ARID5B: variants seen among roughly 807,000 people sequenced by gnomAD.
The protein encoded by ARID5B is AT-rich interactive domain-containing protein 5B.
Under a neutral mutation model 97.2 loss-of-function variants are expected in ARID5B, and 13 were observed. That is an observed-to-expected ratio of 0.13 (90% CI 0.09 to 0.21). The LOEUF is 0.21. Ranked by LOEUF, ARID5B falls within the 10% of genes least tolerant of loss-of-function variation. The pLI, the probability that ARID5B is intolerant of heterozygous loss-of-function variation, is 1.00. For synonymous variants in ARID5B, 556 were observed against 570.3 expected, an observed-to-expected ratio of 0.97 and a Z score of 0.36; for missense variants, 1,210 against 1,465.3, an observed-to-expected ratio of 0.83 and a Z score of 2.84.
intron 2 of ARID5B, among the ~76,000 whole-genome samples, chr10:61,905,561 T>C (rs1296257357): frequency 6.6e-6 from 1 of 152,044 alleles, no homozygotes; most frequent in Non-Finnish European, 1.5e-5. Flanking sequence ...GGAAAGGTTA[T>C]GTGGTTTGTC....
intron 3 of ARID5B, among the ~76,000 whole-genome samples, chr10:61,998,730 A>C (rs1386193896): frequency 6.6e-6 from 1 of 152,168 alleles, no homozygotes; most frequent in Non-Finnish European, 1.5e-5. Context: ...TGGTTCTCTG[A>C]GGTGTGCCAA....
At chr10:62,038,248 T>C (rs1564633692) in intron 4 of ARID5B, among the ~76,000 whole-genome samples, 1 of 152,124 alleles carries the variant, frequency 6.6e-6, no homozygotes, top group African/African-American at 2.4e-5. Context: ...ACTATTAAAT[T>C]TGGAGTTCAG....
intron 2 of ARID5B, among the ~76,000 whole-genome samples, chr10:61,922,429 C>T (rs1236802199): frequency 1.3e-5 from 2 of 152,156 alleles, no homozygotes; most frequent in African/African-American, 2.4e-5. Context: ...ATGATGAAAC[C>T]CTGTCTGTAT....
In ARID5B at chr10:61,989,172, G is replaced by A. The variant is rs535206110; in HGVS notation, c.503-10919G>A. On this transcript the variant is annotated intron_variant, in intron 3 of 9. Coordinates refer to ENST00000279873, the MANE Select transcript of ARID5B (RefSeq NM_032199.3). Reference sequence around the variant, plus strand: ...TCTCGATCTCCTGATCTCAAGATCCGCCCACCTCAGCCTCCCAAAGTGCTG... The same window carrying A: ...TCTCGATCTCCTGATCTCAAGATCCACCCACCTCAGCCTCCCAAAGTGCTG... Among the ~76,000 whole-genome samples, 15 of 152,028 alleles carry A rather than the reference G, an allele frequency of 9.9e-5. 1 individual carries two copies. The highest frequency in any genetic ancestry group is 3.4e-3 in the Middle Eastern group (1 of 294).
At chr10:61,953,569 G>A (rs1030644995) in intron 3 of ARID5B, among the ~76,000 whole-genome samples, 5 of 152,042 alleles carry the variant, frequency 3.3e-5, no homozygotes, top group Non-Finnish European at 7.4e-5. Flanking sequence ...GCTTCTTTTT[G>A]ACCACTGTAC....
intron 2 of ARID5B, among the ~76,000 whole-genome samples, chr10:61,912,219 C>T (rs916432695): frequency 5.9e-5 from 9 of 152,132 alleles, no homozygotes; most frequent in African/African-American, 1.7e-4. Context: ...TTCACTAATA[C>T]TGTGTATTCT....
At chr10:61,935,361 G>T (rs1844281615) in intron 2 of ARID5B, among the ~76,000 whole-genome samples, 1 of 152,006 alleles carries the variant, frequency 6.6e-6, no homozygotes, top group Non-Finnish European at 1.5e-5. Flanking sequence ...AACATACCAT[G>T]GATACATAAG....
chr10:62,089,467 C>T (rs907845531), intron 9 of ARID5B, among the ~76,000 whole-genome samples: 19 of 151,722 alleles, frequency 1.3e-4, no homozygotes, highest in Non-Finnish European at 1.8e-4. Context: ...TCCTTCCTGC[C>T]TGCCTGCCTT....
At chr10:61,917,739 C>G (rs1843936026) in intron 2 of ARID5B, among the ~76,000 whole-genome samples, 1 of 152,146 alleles carries the variant, frequency 6.6e-6, no homozygotes, top group Non-Finnish European at 1.5e-5. Context: ...CCGTTGGTCC[C>G]AAAGGGGCTG....
intron 8 of ARID5B, among the ~76,000 whole-genome samples, chr10:62,075,817 A>G (rs1840124498): frequency 6.6e-6 from 1 of 152,148 alleles, no homozygotes; most frequent in Non-Finnish European, 1.5e-5. Flanking sequence ...ACAGCCTAAG[A>G]TTACATTTGG....
chr10:61,987,595 A>G (rs1445753368), intron 3 of ARID5B, among the ~76,000 whole-genome samples: 1 of 152,254 alleles, frequency 6.6e-6, no homozygotes, highest in Non-Finnish European at 1.5e-5. Context: ...TTTGTGCACC[A>G]TAAGGTCTCT....
At chr10:61,985,354 G>C (rs895916607) in intron 3 of ARID5B, among the ~76,000 whole-genome samples, 1 of 151,934 alleles carries the variant, frequency 6.6e-6, no homozygotes, top group Admixed American at 6.5e-5. Context: ...AAAGAGGGAT[G>C]GTGGCTTTTG....
At chr10:62,015,456 A>G (rs78591229) in intron 4 of ARID5B, among the ~76,000 whole-genome samples, 216 of 152,312 alleles carry the variant, frequency 1.4e-3, no homozygotes, top group African/African-American at 5.0e-3. Context: ...TAGCCTATCA[A>G]CTGTTCTAAT....
At position 61,955,897 on chromosome 10, in the gene ARID5B, C is replaced by T. The variant is rs186001873; in HGVS notation, c.502+15489C>T. On this transcript the variant is annotated intron_variant, in intron 3 of 9. Transcript: ENST00000279873. ...AACTCCTGAGCTCAAGTGATCCACC[C>T]GCCTCAGCCTCCCAAAGTGCTGGGA... Among the ~76,000 whole-genome samples the T allele has an allele frequency of 3.3e-5, 5 of 152,166 alleles. No individual in the cohort carries two copies. The East Asian group carries it at 5.8e-4, about 18-fold the overall frequency.
intron 3 of ARID5B, among the ~76,000 whole-genome samples, chr10:61,970,819 T>C (rs1475654874): frequency 6.6e-6 from 1 of 152,198 alleles, no homozygotes; most frequent in African/African-American, 2.4e-5. Context: ...TCCCAAGATA[T>C]GAAATACTAA....
At chr10:61,979,181 G>A (rs2132843195) in intron 3 of ARID5B, among the ~76,000 whole-genome samples, 1 of 152,306 alleles carries the variant, frequency 6.6e-6, no homozygotes, top group East Asian at 1.9e-4. Flanking sequence ...GGACAGTGAT[G>A]CATTTTTGCA....
At chr10:62,022,176 A>G (rs1839365107) in intron 4 of ARID5B, among the ~76,000 whole-genome samples, 1 of 152,186 alleles carries the variant, frequency 6.6e-6, no homozygotes, top group Non-Finnish European at 1.5e-5. Context: ...AACGTCCTCC[A>G]AACACCACTT....
rs1308978011 is a variant in ARID5B at position 62,091,788 on chromosome 10, T to C, written c.2325T>C (p.His775=). 1.9e-6 allele frequency: 3 copies of C among 1,613,988 alleles called. No individual in the cohort carries two copies. The Admixed American group carries it at 5.0e-5, about 27-fold the overall frequency. ...AGACCATCAATGACATCTTTAAGCATGAGAAACTGAGTCGATCAGATCCCC... is the reference window on the plus strand; with the variant it reads ...AGACCATCAATGACATCTTTAAGCACGAGAAACTGAGTCGATCAGATCCCC... The part of the protein sequence containing the change: ...ERKTINDIFK[H]EKLSRSDPHR... The change falls in exon 10 of 10, where the codon CAT becomes CAC. Residue 775 remains histidine (H), a synonymous_variant. Coordinates refer to ENST00000279873, the MANE Select transcript of ARID5B (RefSeq NM_032199.3).
In ARID5B at chr10:62,000,248, T is replaced by G; in HGVS notation, c.660T>G (p.Pro220=). 1 of 1,613,790 alleles carries G rather than the reference T, an allele frequency of 6.2e-7. No individual in the cohort carries two copies. Among genetic ancestry groups the G allele is most frequent in the Non-Finnish European group, 8.5e-7 (1 of 1,179,892 alleles). ...GCATTGCAGTGGTCAGCAGGAACCCTCAGATCCTGTACTGTCGGGACACCT... is the reference window on the plus strand; with the variant it reads ...GCATTGCAGTGGTCAGCAGGAACCCGCAGATCCTGTACTGTCGGGACACCT... ...LGGIAVVSRN[P]QILYCRDTFD... The change falls in exon 4 of 10, where the codon CCT becomes CCG. Residue 220 remains proline, a synonymous_variant. Coordinates refer to ENST00000279873, the MANE Select transcript of ARID5B (RefSeq NM_032199.3). This position sits in a 1 kb window ranked among gnomAD's most constrained non-coding sequence, Gnocchi z 4.4.
Sources: allele counts gnomAD v4.1 joint callset (sites outside exome capture counted in the v4.1 genomes callset), GRCh38; gene constraint gnomAD v4.1.1; non-coding constraint Gnocchi (gnomAD v3.1); transcripts MANE v1.5; gene names NCBI Gene and HGNC (gene_info 2026-07-23, HGNC 2026-07-21).